YAP1: variants seen among roughly 807,000 people sequenced by gnomAD.
YAP1 encodes transcriptional coactivator YAP1.
YAP1 carries 5 observed loss-of-function variants against 56.9 expected under a neutral mutation model. The ratio of observed to expected loss-of-function variants is 0.09; its 90% CI spans 0.05 to 0.18. The LOEUF (loss-of-function observed/expected upper bound fraction) is 0.18. Ranked by LOEUF, YAP1 falls within the 10% of genes least tolerant of loss-of-function variation. The pLI is 1.00. For synonymous variants in YAP1, 265 were observed against 248.1 expected (o/e 1.07, Z -0.64); for missense variants, 539 against 651.8 (o/e 0.83, Z 1.88).
chr11:102,114,158 A>G lies in YAP1; in HGVS notation c.336A>G (p.Ala112=), dbSNP rs776181734. The G allele has an allele frequency of 6.2e-7, 1 of 1,613,812 alleles. No homozygotes were observed. The highest frequency in any genetic ancestry group is 1.7e-5 in the Admixed American group (1 of 60,018). ...TTCCCTAATAGGCCAGTACTGATGC[A>G]GGCACTGCAGGAGCCCTGACTCCAC... is the stretch of plus-strand genomic sequence containing the variant. ...KSHSRQASTD[A]GTAGALTPQH... is the part of the protein sequence containing the mutation. Residue 112 remains alanine (A), a synonymous_variant, in exon 2 of 9, where the codon GCA becomes GCG. Coordinates refer to ENST00000282441, the MANE Select transcript of YAP1 (RefSeq NM_001130145.3).
chr11:102,210,901 C>T lies in YAP1; in HGVS notation c.1032+1337C>T, dbSNP rs1046031106. On this transcript the variant is annotated intron_variant, in intron 6 of 8. Transcript: ENST00000282441. The stretch of plus-strand genomic sequence containing the variant: ...CCAAGTAGCTGGGACTACAGGCGCC[C>T]GCCACCATGCCCAGCTAATTCTTTT... Among the ~76,000 whole-genome samples the T allele has an allele frequency of 3.0e-4, 45 of 152,074 alleles. 1 individual carries two copies. Among genetic ancestry groups the T allele is most frequent in the Admixed American group, 2.0e-3 (30 of 15,266 alleles).
intron 3 of YAP1, among the ~76,000 whole-genome samples, chr11:102,170,201 C>G (rs1565225353): frequency 6.6e-6 from 1 of 152,184 alleles, no homozygotes; most frequent in African/African-American, 2.4e-5. Context: ...GGGAATCACT[C>G]TGATGTTGTT....
intron 4 of YAP1, among the ~76,000 whole-genome samples, chr11:102,195,717 T>C (rs1171840821): frequency 6.6e-6 from 1 of 152,238 alleles, no homozygotes; most frequent in African/African-American, 2.4e-5. Flanking sequence ...TTTGCAATGA[T>C]TGTAAGTTTT....
Position 102,184,977 on chromosome 11 carries a change from T to C in YAP1, c.689-1041T>C, listed in dbSNP as rs562396417. On this transcript the variant is annotated intron_variant, in intron 3 of 8. Coordinates refer to ENST00000282441, the MANE Select transcript of YAP1 (RefSeq NM_001130145.3). The stretch of plus-strand genomic sequence containing the variant: ...GTAGTACTACTGCTTATGTCATTTG[T>C]TTACTGTAAGAATTAAATGAATTAA... 1.1e-4 allele frequency among the ~76,000 whole-genome samples: 17 copies of C among 152,326 alleles called. No homozygotes were observed. The South Asian group carries it at 3.3e-3, about 30-fold the overall frequency.
chr11:102,130,977 T>C (rs1944340500), intron 2 of YAP1, among the ~76,000 whole-genome samples: 1 of 152,116 alleles, frequency 6.6e-6, no homozygotes, highest in Non-Finnish European at 1.5e-5. Flanking sequence ...GTAAGTGTCA[T>C]TGTCCTCTGT....
Position 102,110,839 on chromosome 11 carries a change from G to C in YAP1, c.-10G>C, listed in dbSNP as rs771905609. ...GGGTCAGGGGGTGCGCGTCGGGGGA[G>C]GCAGAAGCCATGGATCCCGGGCAGC... is the stretch of plus-strand genomic sequence containing the variant. On this transcript the variant is annotated 5_prime_UTR_variant, in exon 1 of 9. Coordinates refer to ENST00000282441, the MANE Select transcript of YAP1 (RefSeq NM_001130145.3). The C allele has an allele frequency of 7.9e-6, 11 of 1,399,186 alleles. No homozygotes were observed. Among genetic ancestry groups the C allele is most frequent in the Non-Finnish European group, 1.0e-5 (11 of 1,076,340 alleles). 86.7% of individuals were successfully genotyped at this position (1,399,186 alleles called of 1,614,324 possible).
At chr11:102,157,555 G>C (rs761647433) in intron 2 of YAP1, among the ~76,000 whole-genome samples, 41 of 152,130 alleles carry the variant, frequency 2.7e-4, no homozygotes, top group Non-Finnish European at 4.7e-4. Flanking sequence ...ACACCGTTTT[G>C]TATTATTCCT....
At chr11:102,186,219 T>A (rs750054558) in intron 4 of YAP1, 88 bp downstream of exon 4, 125 of 1,419,816 alleles carry the variant, frequency 8.8e-5, no homozygotes, top group Non-Finnish European at 1.2e-4. Context: ...TTAAATAAAA[T>A]CGCATTGCTT....
Position 102,230,157 on chromosome 11 carries a change from G to A in YAP1, c.*217G>A. On this transcript the variant is annotated 3_prime_UTR_variant, in exon 9 of 9. Coordinates refer to ENST00000282441, the MANE Select transcript of YAP1 (RefSeq NM_001130145.3). ...CACAGTTGGCTCTAAAGAATCAAAA[G>A]AAAAAAACTTTTTATTTCTTTTGCT... 4.5e-6 allele frequency: 2 copies of A among 444,108 alleles called. No individual in the cohort carries two copies. Among genetic ancestry groups the A allele is most frequent in the African/African-American group, 2.0e-5 (1 of 50,328 alleles). The allele number at this position is 444,108 out of a possible 1,614,324, so 27.5% of individuals were successfully genotyped here.
chr11:102,117,533 A>G (rs1206860964), intron 2 of YAP1, among the ~76,000 whole-genome samples: 3 of 152,220 alleles, frequency 2.0e-5, no homozygotes, highest in African/African-American at 7.2e-5. Context: ...GTGACCATAG[A>G]TGATTGAGTT....
intron 3 of YAP1, among the ~76,000 whole-genome samples, chr11:102,184,064 G>A (rs1190879247): frequency 1.5e-5 from 2 of 137,288 alleles, no homozygotes; most frequent in African/African-American, 2.7e-5. Flanking sequence ...GCGACAGAGC[G>A]AGACTCCGTC....
chr11:102,140,204 C>A (rs1381750922), intron 2 of YAP1, among the ~76,000 whole-genome samples: 1 of 143,302 alleles, frequency 7.0e-6, no homozygotes, highest in Non-Finnish European at 1.5e-5. Context: ...AAAAAAAAAT[C>A]TGTATTTTTC....
At chr11:102,165,843 C>T (rs547034176) in intron 3 of YAP1, among the ~76,000 whole-genome samples, 8 of 152,228 alleles carry the variant, frequency 5.3e-5, no homozygotes, top group Admixed American at 2.0e-4. Context: ...CACTAACGAA[C>T]GTCCTGGAGG....
At chr11:102,190,180 T>C (rs1948198500) in intron 4 of YAP1, among the ~76,000 whole-genome samples, 1 of 152,228 alleles carries the variant, frequency 6.6e-6, no homozygotes, top group Non-Finnish European at 1.5e-5. Context: ...TCTGTTTTGT[T>C]TTGTTTTGAG....
intron 2 of YAP1, among the ~76,000 whole-genome samples, chr11:102,122,596 A>G (rs994777324): frequency 6.6e-6 from 1 of 152,148 alleles, no homozygotes; most frequent in Non-Finnish European, 1.5e-5. Context: ...TGTAAGGTTT[A>G]TAAAGAAAAA....
chr11:102,158,588 G>A (rs1260394037), intron 2 of YAP1, among the ~76,000 whole-genome samples: 3 of 152,148 alleles, frequency 2.0e-5, no homozygotes, highest in African/African-American at 7.2e-5. Context: ...AATAGCAGGG[G>A]TATGAAAGAA....
intron 2 of YAP1, among the ~76,000 whole-genome samples, chr11:102,117,466 C>T (rs760877513): frequency 6.6e-6 from 1 of 152,106 alleles, no homozygotes; most frequent in East Asian, 1.9e-4. Flanking sequence ...ACAGGCAAGA[C>T]GATGTAATTT....
chr11:102,171,350 A>G (rs146202215), intron 3 of YAP1, among the ~76,000 whole-genome samples: 4 of 152,346 alleles, frequency 2.6e-5, no homozygotes, highest in East Asian at 3.9e-4. Context: ...ATATTCATAG[A>G]CTACCATATA....
intron 2 of YAP1, among the ~76,000 whole-genome samples, chr11:102,155,723 T>C (rs1006106663): frequency 2.0e-5 from 3 of 152,220 alleles, no homozygotes; most frequent in African/African-American, 4.8e-5. Context: ...ACTTGTGTTG[T>C]AATAATATTT....
Sources: allele counts gnomAD v4.1 joint callset (sites outside exome capture counted in the v4.1 genomes callset), GRCh38; gene constraint gnomAD v4.1.1; transcripts MANE v1.5; gene names NCBI Gene and HGNC (gene_info 2026-07-23, HGNC 2026-07-21).